Variants in MIB1 observed in about 807,000 individuals in gnomAD.
MIB1 encodes E3 ubiquitin-protein ligase MIB1.
Under a neutral mutation model 124.5 loss-of-function variants are expected in MIB1, and 278 were observed. The observed-to-expected ratio is 2.23, with a 90% CI of 2.02 to 2.47. MIB1 has a LOEUF of 2.47. MIB1 is among the 30% of genes most tolerant of loss of function. The probability of loss-of-function intolerance (pLI) is 0.00; values close to 1 mark genes in which losing one functional copy is unlikely to be tolerated. For synonymous variants in MIB1, 446 were observed against 429.4 expected (o/e 1.04, Z -0.48); for missense variants, 957 against 1,254.4 (o/e 0.76, Z 3.58).
intron 12 of MIB1, among the ~76,000 whole-genome samples, chr18:21,833,787 G>A (rs549360509): frequency 1.3e-5 from 2 of 152,312 alleles, no homozygotes; most frequent in Admixed American, 1.3e-4. Context: ...TCATGTGCCA[G>A]GGATTATGGT....
chr18:21,779,337 T>A (rs1047691356), intron 5 of MIB1, 144 bp from the exon 6 acceptor site: 2 of 651,006 alleles, frequency 3.1e-6, no homozygotes, highest in Admixed American at 3.1e-5. Flanking sequence ...TTCTAAAATT[T>A]TATACTTATA....
chr18:21,831,006 G>T (rs887788261), intron 12 of MIB1, among the ~76,000 whole-genome samples: 4 of 150,792 alleles, frequency 2.7e-5, no homozygotes, highest in African/African-American at 7.3e-5. Context: ...ATCAAAAAAG[G>T]TTGCTACAAA....
At chr18:21,840,665 A>ATTTT (rs375520508) in intron 13 of MIB1, among the ~76,000 whole-genome samples, 46 of 3,124 alleles carry the variant, frequency 0.015, no homozygotes, top group African/African-American at 0.019. Flanking sequence ...ATATATATAT[A>ATTTT]TTTTTTTTTT....
chr18:21,732,287 C>CT (rs2040774519), intron 1 of MIB1, among the ~76,000 whole-genome samples: 1 of 151,564 alleles, frequency 6.6e-6, no homozygotes, highest in Non-Finnish European at 1.5e-5. Flanking sequence ...GAGATCATGT[C>CT]TCTGCACTCT....
At chr18:21,759,274 G>A (rs2041070485) in intron 1 of MIB1, among the ~76,000 whole-genome samples, 1 of 151,138 alleles carries the variant, frequency 6.6e-6, no homozygotes, top group Admixed American at 6.6e-5. Flanking sequence ...ACGGAGTTTG[G>A]CTTTGTAGCC....
chr18:21,730,929 A>T (rs2146364065), intron 1 of MIB1, among the ~76,000 whole-genome samples: 1 of 152,186 alleles, frequency 6.6e-6, no homozygotes, highest in Non-Finnish European at 1.5e-5. Flanking sequence ...TGGTTTCTCC[A>T]GTGTTTCATG....
At chr18:21,813,770 A>C (rs1249389697) in intron 10 of MIB1, among the ~76,000 whole-genome samples, 1 of 152,188 alleles carries the variant, frequency 6.6e-6, no homozygotes, top group Non-Finnish European at 1.5e-5. Flanking sequence ...CCTGGGTGCC[A>C]TATGGATTGT....
chr18:21,777,758 A>G (rs902613566), intron 4 of MIB1, among the ~76,000 whole-genome samples: 1 of 152,050 alleles, frequency 6.6e-6, no homozygotes, highest in African/African-American at 2.4e-5. Flanking sequence ...GGGTTTCACC[A>G]TGTTGGCCAG....
chr18:21,847,577 G>A (rs1268729418), intron 16 of MIB1, among the ~76,000 whole-genome samples: 1 of 152,106 alleles, frequency 6.6e-6, no homozygotes, highest in African/African-American at 2.4e-5. Flanking sequence ...CAATCCTCTT[G>A]CTTCATCCTC....
At chr18:21,800,667 G>C (rs555773394) in intron 9 of MIB1, among the ~76,000 whole-genome samples, 20 of 152,040 alleles carry the variant, frequency 1.3e-4, no homozygotes, top group Non-Finnish European at 2.6e-4. Flanking sequence ...TGTGTTGTAA[G>C]GGTTTTTGTT....
At position 21,815,824 on chromosome 18, in the gene MIB1, T is replaced by G; in HGVS notation, c.1677+11T>G. On this transcript the variant is annotated intron_variant, in intron 11 of 20. Transcript: ENST00000261537. ...CATCCCAGTCTCCAGGTAAAACCTT[T>G]AAAGAAACACATCCTGCAGGTATTG... 6.2e-7 allele frequency: 1 copy of G among 1,611,088 alleles called. No homozygotes were observed. The highest frequency in any genetic ancestry group is 8.5e-7 in the Non-Finnish European group (1 of 1,177,278).
intron 1 of MIB1, among the ~76,000 whole-genome samples, chr18:21,759,490 C>T (rs1338860131): frequency 6.6e-6 from 1 of 152,056 alleles, no homozygotes; most frequent in Non-Finnish European, 1.5e-5. Context: ...ATCCGCCTGC[C>T]TCGGCCTCCT....
chr18:21,741,771 C>G lies in MIB1; in HGVS notation c.188C>G (p.Ser63Cys). 1.2e-6 allele frequency: 2 copies of G among 1,609,314 alleles called. No individual in the cohort carries two copies. Among genetic ancestry groups the G allele is most frequent in the South Asian group, 1.1e-5 (1 of 90,358 alleles). ...GGCACAGCTGCCAACTACCGCTGCT[C>G]CGGGGCTTACGACCTCCGCATCCTG... ...DNGTAANYRC[S>C]GAYDLRILDS... Residue 63 changes from serine (S) to cysteine (C), a missense_variant, in exon 1 of 21, where the codon TCC becomes TGC. Coordinates refer to ENST00000261537, the MANE Select transcript of MIB1 (RefSeq NM_020774.4). The surrounding 1 kb of genome is among the most constrained non-coding windows in gnomAD (Gnocchi z 5.4).
chr18:21,756,997 C>G (rs1313395403), intron 1 of MIB1, among the ~76,000 whole-genome samples: 3 of 152,090 alleles, frequency 2.0e-5, no homozygotes, highest in Non-Finnish European at 4.4e-5. Flanking sequence ...GAGTTGTGAA[C>G]TTTGGGTGAC....
At chr18:21,847,938 G>A (rs2042148864) in intron 16 of MIB1, among the ~76,000 whole-genome samples, 2 of 152,134 alleles carry the variant, frequency 1.3e-5, no homozygotes, top group Non-Finnish European at 2.9e-5. Flanking sequence ...AATCTGAACA[G>A]TGCTGTGCAA....
chr18:21,835,773 A>G (rs1389295135), intron 12 of MIB1, among the ~76,000 whole-genome samples: 2 of 55,234 alleles, frequency 3.6e-5, no homozygotes, highest in African/African-American at 3.5e-4. Flanking sequence ...CCATCTCAAG[A>G]AAAAAAAAAA....
chr18:21,755,807 G>A (rs929158154), intron 1 of MIB1, among the ~76,000 whole-genome samples: 4 of 152,176 alleles, frequency 2.6e-5, no homozygotes, highest in Middle Eastern at 3.4e-3. Context: ...ATGGATATTT[G>A]CTTGGGTTAG....
chr18:21,788,213 A>G (rs1039568328), intron 6 of MIB1, among the ~76,000 whole-genome samples: 6 of 152,220 alleles, frequency 3.9e-5, no homozygotes, highest in Admixed American at 2.6e-4. Flanking sequence ...AGAAAAATCA[A>G]TAAATTGAAT....
chr18:21,761,797 T>C (rs563089721), intron 1 of MIB1, among the ~76,000 whole-genome samples: 1 of 152,298 alleles, frequency 6.6e-6, no homozygotes, highest in African/African-American at 2.4e-5. Flanking sequence ...GAGCCAATGC[T>C]GAGAAAACAT....
Sources: allele counts gnomAD v4.1 joint callset (sites outside exome capture counted in the v4.1 genomes callset), GRCh38; gene constraint gnomAD v4.1.1; non-coding constraint Gnocchi (gnomAD v3.1); transcripts MANE v1.5; gene names NCBI Gene and HGNC (gene_info 2026-07-23, HGNC 2026-07-21).